Variants in VRK2 observed in about 807,000 individuals in gnomAD.
VRK2 encodes serine/threonine-protein kinase VRK2.
VRK2 carries 60 observed loss-of-function variants against 57.6 expected under a neutral mutation model. The ratio of observed to expected loss-of-function variants is 1.04; its 90% CI spans 0.85 to 1.29. VRK2 has a LOEUF of 1.29. VRK2 is among the 50% of genes most tolerant of loss of function. The pLI, the probability that VRK2 is intolerant of heterozygous loss-of-function variation, is 0.00. For synonymous variants in VRK2, 231 were observed against 199.2 expected (o/e 1.16, Z -1.35); for missense variants, 705 against 588.1 (o/e 1.20, Z -2.06).
intron 2 of VRK2, among the ~76,000 whole-genome samples, chr2:58,059,080 C>T (rs570334228): frequency 3.3e-5 from 5 of 152,098 alleles, no homozygotes; most frequent in Admixed American, 1.3e-4. Flanking sequence ...ATTGACAAGG[C>T]ATAGAGCATC....
At chr2:57,938,899 G>T (rs1671004659) in intron 1 of VRK2, among the ~76,000 whole-genome samples, 2 of 152,174 alleles carry the variant, frequency 1.3e-5, no homozygotes, top group African/African-American at 4.8e-5. Flanking sequence ...TTTGGAAAAT[G>T]CTCCATGGTT....
chr2:57,974,789 A>C (rs76227152), intron 1 of VRK2, among the ~76,000 whole-genome samples: 4,080 of 151,992 alleles, frequency 0.027, 94 homozygotes, highest in South Asian at 0.073. Context: ...AATGAAGATA[A>C]AAGCAGAAAA....
chr2:58,047,505 C>T (rs1414508846), intron 1 of VRK2: 12 of 967,316 alleles, frequency 1.2e-5, no homozygotes, highest in African/African-American at 3.5e-5. Flanking sequence ...CCGCCTCAAG[C>T]CCTGAGGCCG....
chr2:58,094,023 T>C (rs1672764780), intron 7 of VRK2, among the ~76,000 whole-genome samples: 2 of 152,234 alleles, frequency 1.3e-5, no homozygotes, highest in Non-Finnish European at 2.9e-5. Flanking sequence ...CATTGGTCTA[T>C]ATCTCTGTTT....
chr2:58,131,792 A>G lies in VRK2; in HGVS notation c.677-16A>G. The G allele has an allele frequency of 6.3e-7, 1 of 1,590,162 alleles. No homozygotes were observed. Among genetic ancestry groups the G allele is most frequent in the Non-Finnish European group, 8.5e-7 (1 of 1,171,930 alleles). The stretch of plus-strand genomic sequence containing the variant: ...TGCTTATCCCTTATCTTTCTCTCTA[A>G]TGCTTACTCCTATAGCCTTGTCCAG... On this transcript the variant is annotated splice_polypyrimidine_tract_variant and intron_variant, in intron 8 of 12. Transcript: ENST00000340157.
intron 8 of VRK2, 30 bp from the exon 9 acceptor site, chr2:58,131,778 T>C: frequency 6.4e-7 from 1 of 1,564,304 alleles, no homozygotes; most frequent in South Asian, 1.2e-5. Flanking sequence ...GCTTATCCCT[T>C]ATCTTTCTCT....
intron 2 of VRK2, among the ~76,000 whole-genome samples, chr2:58,053,877 G>A (rs1354103612): frequency 1.3e-5 from 2 of 152,148 alleles, no homozygotes; most frequent in African/African-American, 4.8e-5. Flanking sequence ...TTGAATAAAT[G>A]TGAAAATGAG....
At chr2:58,049,472 C>T (rs1675381915) in intron 2 of VRK2, among the ~76,000 whole-genome samples, 2 of 152,058 alleles carry the variant, frequency 1.3e-5, no homozygotes, top group Admixed American at 1.3e-4. Context: ...AGGGATGTGC[C>T]ATTCTTGGGA....
chr2:57,976,155 G>T (rs1477338006), intron 1 of VRK2, among the ~76,000 whole-genome samples: 1 of 151,980 alleles, frequency 6.6e-6, no homozygotes, highest in Non-Finnish European at 1.5e-5. Flanking sequence ...TCTTTATTCA[G>T]TCCACTGTTC....
intron 1 of VRK2, among the ~76,000 whole-genome samples, chr2:58,010,761 C>G (rs1673394461): frequency 6.6e-6 from 1 of 152,116 alleles, no homozygotes; most frequent in Non-Finnish European, 1.5e-5. Context: ...TATCTATTAA[C>G]AAACTGGGCT....
intron 1 of VRK2, among the ~76,000 whole-genome samples, chr2:57,934,890 T>C (rs973049671): frequency 6.6e-6 from 1 of 152,232 alleles, no homozygotes; most frequent in African/African-American, 2.4e-5. Context: ...ATTTATTACA[T>C]TCTTTATCTC....
chr2:58,147,166 G>A, intron 12 of VRK2: 1 of 517,894 alleles, frequency 1.9e-6, no homozygotes, highest in South Asian at 1.4e-5. Context: ...GATATATCAG[G>A]CAGCTGGGAT....
At chr2:58,038,787 G>A (rs1262753069) in intron 3 of VRK2, among the ~76,000 whole-genome samples, 1 of 152,004 alleles carries the variant, frequency 6.6e-6, no homozygotes, top group Non-Finnish European at 1.5e-5. Flanking sequence ...CATCAATAAA[G>A]ATACATACAC....
At chr2:57,961,408 A>T (rs1671754548) in intron 1 of VRK2, among the ~76,000 whole-genome samples, 1 of 152,212 alleles carries the variant, frequency 6.6e-6, no homozygotes, top group South Asian at 2.1e-4. Context: ...CAGGATGATG[A>T]GACAAGACAA....
chr2:58,125,172 G>C (rs536081364), intron 8 of VRK2, among the ~76,000 whole-genome samples: 1 of 152,198 alleles, frequency 6.6e-6, no homozygotes, highest in South Asian at 2.1e-4. Context: ...TCAACTGGTA[G>C]CTCTAAACTG....
At chr2:57,965,528 A>T (rs191874860) in intron 1 of VRK2, among the ~76,000 whole-genome samples, 1 of 152,346 alleles carries the variant, frequency 6.6e-6, no homozygotes, top group East Asian at 1.9e-4. Flanking sequence ...TCTGATTCTG[A>T]TCATACAAAG....
chr2:57,921,573 AGAG>A (rs1385626038), intron 1 of VRK2, among the ~76,000 whole-genome samples: 4 of 152,112 alleles, frequency 2.6e-5, no homozygotes, highest in Non-Finnish European at 4.4e-5. Context: ...GCTTAAACAA[AGAG>A]GAGAAAAATC....
At chr2:58,125,910 C>T (rs956558050) in intron 8 of VRK2, among the ~76,000 whole-genome samples, 12 of 151,740 alleles carry the variant, frequency 7.9e-5, no homozygotes, top group African/African-American at 2.7e-4. Flanking sequence ...TTTAATTTTC[C>T]AAAGCAAAAC....
chr2:57,930,764 C>T (rs1670695844), intron 1 of VRK2, among the ~76,000 whole-genome samples: 1 of 152,144 alleles, frequency 6.6e-6, no homozygotes, highest in African/African-American at 2.4e-5. Flanking sequence ...CACACCCAAA[C>T]ACTAGCAACC....
Sources: gnomAD v4.1 joint callset for allele counts (sites outside exome capture counted in the v4.1 genomes callset) on GRCh38, gnomAD v4.1.1 for gene constraint, MANE v1.5 for transcripts, NCBI Gene and HGNC (gene_info 2026-07-23, HGNC 2026-07-21) for gene names.